The following DOCK9 variants were observed in gnomAD, a reference collection of about 807,000 sequenced individuals.
The protein encoded by DOCK9 is dedicator of cytokinesis protein 9.
Under a neutral mutation model 263.3 loss-of-function variants are expected in DOCK9, and 89 were observed. The observed-to-expected ratio is 0.34, with a 90% confidence interval of 0.28 to 0.40. The LOEUF is 0.40. Ranked by LOEUF, DOCK9 falls within the 10% of genes least tolerant of loss-of-function variation. The pLI is 1.00. For missense variants in DOCK9, 2,140 were observed against 2,603.4 expected, an observed-to-expected ratio of 0.82 and a Z score of 3.87; for synonymous variants, 976 against 973.1, an observed-to-expected ratio of 1.00 and a Z score of -0.06.
At chr13:98,807,845 TAA>T in intron 47 of DOCK9, 38 bp from the exon 48 acceptor site, 5 of 1,578,458 alleles carry the variant, frequency 3.2e-6, no homozygotes, top group Non-Finnish European at 3.5e-6. Context: ...TCCCTGAACG[TAA>T]GCCCAGGGCT....
chr13:98,929,699 G>A (rs1310891679), intron 3 of DOCK9, among the ~76,000 whole-genome samples: 1 of 151,412 alleles, frequency 6.6e-6, no homozygotes, highest in Non-Finnish European at 1.5e-5. Flanking sequence ...ATTGACTAGC[G>A]ATAGACCCTG....
intron 27 of DOCK9, among the ~76,000 whole-genome samples, chr13:98,878,131 C>T (rs2044160618): frequency 6.6e-6 from 1 of 152,156 alleles, no homozygotes; most frequent in Admixed American, 6.5e-5. Context: ...GCACAGAAGG[C>T]TGCATCTACA....
chr13:98,806,739 T>C (rs2090758711), intron 48 of DOCK9, among the ~76,000 whole-genome samples: 1 of 152,016 alleles, frequency 6.6e-6, no homozygotes, highest in African/African-American at 2.4e-5. Context: ...TGAAACCCTG[T>C]CTCTACCAAA....
chr13:98,820,546 T>C (rs766996548), intron 45 of DOCK9: 2 of 259,370 alleles, frequency 7.7e-6, no homozygotes, highest in South Asian at 3.7e-5. Context: ...AGCTACTCCA[T>C]AGACAGAGGA....
chr13:99,079,805 C>T (rs920374677), intron 1 of DOCK9, among the ~76,000 whole-genome samples: 4 of 152,020 alleles, frequency 2.6e-5, no homozygotes, highest in Admixed American at 2.6e-4. Flanking sequence ...TTTGGGATGC[C>T]GAAGTGGGTG....
chr13:99,039,021 G>A (rs1447905190), intron 1 of DOCK9, among the ~76,000 whole-genome samples: 1 of 152,016 alleles, frequency 6.6e-6, no homozygotes, highest in Non-Finnish European at 1.5e-5. Context: ...ATTTACATCC[G>A]CCTACTTTCC....
At chr13:99,003,188 T>G (rs777203201) in intron 1 of DOCK9, among the ~76,000 whole-genome samples, 1 of 152,204 alleles carries the variant, frequency 6.6e-6, no homozygotes, top group Non-Finnish European at 1.5e-5. Context: ...CTGCGGACAG[T>G]AAAGATGATG....
chr13:98,951,586 C>T (rs1229874627), intron 2 of DOCK9, among the ~76,000 whole-genome samples: 3 of 152,196 alleles, frequency 2.0e-5, no homozygotes, highest in Non-Finnish European at 2.9e-5. Flanking sequence ...AGACCACATA[C>T]TCAAGTGTTT....
chr13:99,009,750 G>A (rs1324712150), intron 1 of DOCK9, among the ~76,000 whole-genome samples: 2 of 152,028 alleles, frequency 1.3e-5, no homozygotes, highest in Admixed American at 1.3e-4. Flanking sequence ...CAACTCTGCT[G>A]TCTTTGCACA....
rs139775593 is a variant in DOCK9 at position 98,974,829 on chromosome 13, C to T, written c.126+2955G>A. On this transcript the variant is annotated intron_variant, in intron 1 of 52. Transcript: ENST00000682017. ...AAAGAAATACTAACTTTCCCTAACA[C>T]TGAACAAGCAGCCACTGCTAAGGGA... Among the ~76,000 whole-genome samples the T allele has an allele frequency of 2.1e-3, 313 of 150,226 alleles. 1 individual carries two copies. The highest frequency in any genetic ancestry group is 7.3e-3 in the African/African-American group (298 of 41,006).
intron 52 of DOCK9, 53 bp downstream of exon 52, chr13:98,797,062 C>T (rs770104009): frequency 6.2e-7 from 1 of 1,609,454 alleles, no homozygotes. Flanking sequence ...ATAGGGTGTA[C>T]TTGAAACCCC....
At chr13:98,849,446 T>A (rs9517464) in intron 36 of DOCK9, among the ~76,000 whole-genome samples, 78,355 of 151,424 alleles carry the variant, frequency 0.52, 20,599 homozygotes, top group Middle Eastern at 0.6. Flanking sequence ...TTTTTTTTTT[T>A]TTATTATAGA....
chr13:98,898,320 T>A, intron 13 of DOCK9, 59 bp from the exon 14 acceptor site: 1 of 1,323,082 alleles, frequency 7.6e-7, no homozygotes, highest in South Asian at 1.2e-5. Flanking sequence ...AACTGTGACC[T>A]CAAGAGCCAT....
intron 1 of DOCK9, among the ~76,000 whole-genome samples, chr13:99,067,494 A>T (rs1399078811): frequency 2.0e-5 from 3 of 152,180 alleles, no homozygotes; most frequent in Non-Finnish European, 4.4e-5. Context: ...AGAAGACTGG[A>T]TTCCATCTGG....
chr13:99,062,109 T>G (rs2041220062), intron 1 of DOCK9, among the ~76,000 whole-genome samples: 1 of 152,128 alleles, frequency 6.6e-6, no homozygotes, highest in African/African-American at 2.4e-5. Context: ...TGAGCCCAAG[T>G]GGTCCTCCCA....
intron 30 of DOCK9, 183 bp downstream of exon 30, chr13:98,867,242 C>T (rs1280741433): frequency 1.8e-6 from 1 of 563,866 alleles, no homozygotes; most frequent in Non-Finnish European, 3.1e-6. Context: ...GATAAGTTTG[C>T]TGAAAAGTAA....
chr13:98,942,243 T>TG (rs1555416692), intron 2 of DOCK9, among the ~76,000 whole-genome samples: 5 of 149,678 alleles, frequency 3.3e-5, no homozygotes, highest in African/African-American at 9.9e-5. Flanking sequence ...TTGTTTTTTT[T>TG]TTTTGTTTTT....
chr13:98,920,289 TA>T (rs1487614701), intron 7 of DOCK9, among the ~76,000 whole-genome samples: 1 of 152,230 alleles, frequency 6.6e-6, no homozygotes, highest in African/African-American at 2.4e-5. Flanking sequence ...AGCCCTATGA[TA>T]TAAAAGTACA....
Position 98,969,356 on chromosome 13 carries a change from C to T in DOCK9, c.126+8428G>A, listed in dbSNP as rs368594408. Among the ~76,000 whole-genome samples, 30 of 152,064 alleles carry T rather than the reference C, an allele frequency of 2.0e-4. No homozygotes were observed. The East Asian group carries it at 3.3e-3, about 17-fold the overall frequency. On this transcript the variant is annotated intron_variant, in intron 1 of 52. Transcript: ENST00000682017. ...CAGGTGGAAGGGAGGCAAATGAAAA[C>T]GTGAATGATTTTCAGATCTAGTCTT...
Sources: gnomAD v4.1 joint callset for allele counts (sites outside exome capture counted in the v4.1 genomes callset) on GRCh38, gnomAD v4.1.1 for gene constraint, MANE v1.5 for transcripts, NCBI Gene and HGNC (gene_info 2026-07-23, HGNC 2026-07-21) for gene names.